Variants in TMEM8B observed in about 807,000 individuals in gnomAD.
The protein encoded by TMEM8B is nasopharyngeal carcinoma expressed 6.
A neutral mutation model predicts 49.3 loss-of-function variants in TMEM8B; 29 were observed. That is an observed-to-expected ratio of 0.59 (90% confidence interval 0.44 to 0.80). The LOEUF is 0.80. Among genes scored for constraint, TMEM8B ranks in the 30% least tolerant of loss-of-function variants. The pLI is 0.00. For synonymous variants in TMEM8B, 264 were observed against 272.8 expected (o/e 0.97, Z 0.32); for missense variants, 575 against 658.5 (o/e 0.87, Z 1.39).
rs1832684249 is a variant in TMEM8B at position 35,863,541 on chromosome 9, T to G, written c.*9701T>G. ...GATAGAAGCTGGTTCCCATGGTGGC[T>G]GGGTTGGGATGGGCTAAGTTATGTT... On this transcript the variant is annotated 3_prime_UTR_variant, in exon 13 of 13. Transcript: ENST00000643932. The G allele has an allele frequency of 6.6e-6, 1 of 152,236 alleles. No homozygotes were observed. Among genetic ancestry groups the G allele is most frequent in the African/African-American group, 2.4e-5 (1 of 41,458 alleles). 9.4% of individuals were successfully genotyped at this position (152,236 alleles called of 1,614,324 possible).
chr9:35,831,265 G>C (rs917376352), intron 1 of TMEM8B, among the ~76,000 whole-genome samples: 3 of 152,176 alleles, frequency 2.0e-5, no homozygotes, highest in African/African-American at 7.2e-5. Flanking sequence ...ATGTGAGCCA[G>C]TGTATCTTCT....
intron 10 of TMEM8B, among the ~76,000 whole-genome samples, chr9:35,850,248 C>T (rs1398432033): frequency 6.6e-6 from 1 of 151,932 alleles, no homozygotes; most frequent in Admixed American, 6.5e-5. Context: ...TGTAAAATTC[C>T]ACAGAAAAAA....
chr9:35,835,642 G>A (rs541990579), intron 3 of TMEM8B, among the ~76,000 whole-genome samples: 3 of 152,278 alleles, frequency 2.0e-5, no homozygotes, highest in South Asian at 2.1e-4. Flanking sequence ...CTTAGGCCAC[G>A]GCCCAGTATT....
intron 6 of TMEM8B, among the ~76,000 whole-genome samples, chr9:35,844,789 T>G (rs982568844): frequency 3.9e-5 from 6 of 152,234 alleles, no homozygotes; most frequent in African/African-American, 1.4e-4. Flanking sequence ...TTTCCCTCTC[T>G]GCATTCCCAT....
intron 3 of TMEM8B, among the ~76,000 whole-genome samples, chr9:35,836,722 T>C (rs1307238494): frequency 6.6e-6 from 1 of 152,180 alleles, no homozygotes; most frequent in Non-Finnish European, 1.5e-5. Context: ...AGGTCTGACA[T>C]GTGCATTTGC....
intron 3 of TMEM8B, among the ~76,000 whole-genome samples, chr9:35,837,547 G>C (rs1386551184): frequency 6.6e-6 from 1 of 152,118 alleles, no homozygotes; most frequent in Non-Finnish European, 1.5e-5. Flanking sequence ...GCAGAGGCCA[G>C]ATCACGAAGG....
At chr9:35,850,451 A>G (rs1832036265) in intron 10 of TMEM8B, among the ~76,000 whole-genome samples, 1 of 152,226 alleles carries the variant, frequency 6.6e-6, no homozygotes, top group African/African-American at 2.4e-5. Context: ...CAATCTAAAA[A>G]TTAGTCCACG....
chr9:35,854,155 G>A lies in TMEM8B; in HGVS notation c.*315G>A. The A allele has an allele frequency of 1.9e-6, 1 of 516,790 alleles. No individual in the cohort carries two copies. Among genetic ancestry groups the A allele is most frequent in the Non-Finnish European group, 2.8e-6 (1 of 360,808 alleles). The allele number at this position is 516,790 out of a possible 1,614,324, so 32.0% of individuals were successfully genotyped here. Reference sequence around the variant, plus strand: ...GGATGCAGAGCCTTCCCAAGACATGGATTCCTTCCCAGGGAGACAAAGCCC... The same window carrying A: ...GGATGCAGAGCCTTCCCAAGACATGAATTCCTTCCCAGGGAGACAAAGCCC... On this transcript the variant is annotated 3_prime_UTR_variant, in exon 13 of 13. Coordinates refer to ENST00000643932, the MANE Select transcript of TMEM8B (RefSeq NM_001042590.4).
chr9:35,842,410 T>C lies in TMEM8B; in HGVS notation c.1328T>C (p.Leu443Pro), dbSNP rs546582352. 6.5e-6 allele frequency: 10 copies of C among 1,534,856 alleles called. No homozygotes were observed. In the South Asian group the frequency reaches 1.3e-4, roughly 20 times the overall value. ...CCCACAGAGTGCCCACAGCCCGGCC[T>C]GCTCCGAGCCCTGGTCCCTGGAGCT... ...VRLQECPQPGLLRALVPGAAM... is the reference protein window; with the variant it reads ...VRLQECPQPGPLRALVPGAAM... Residue 443 changes from leucine (L) to proline (P), a missense_variant, in exon 6 of 13, where the codon CTG (leucine) becomes CCG (proline). By Grantham distance (98) the Leu-to-Pro change is moderately conservative. Coordinates refer to ENST00000643932, the MANE Select transcript of TMEM8B (RefSeq NM_001042590.4). This position sits in a 1 kb window ranked among gnomAD's most constrained non-coding sequence, Gnocchi z 5.6.
intron 2 of TMEM8B, 59 bp from the exon 3 acceptor site, chr9:35,834,947 TCTTTC>T: frequency 2.4e-6 from 1 of 415,548 alleles, no homozygotes; most frequent in South Asian, 1.3e-4. Context: ...TTTCTTTCTT[TCTTTC>T]ATTTCCTGCC....
intron 3 of TMEM8B, among the ~76,000 whole-genome samples, chr9:35,838,065 A>T (rs1018895336): frequency 6.6e-6 from 1 of 152,198 alleles, no homozygotes; most frequent in African/African-American, 2.4e-5. Context: ...ATTCTGTTGA[A>T]TCCACCGACT....
Position 35,860,666 on chromosome 9 carries a change from T to A in TMEM8B, c.*6826T>A, listed in dbSNP as rs1166099646. On this transcript the variant is annotated 3_prime_UTR_variant, in exon 13 of 13. Coordinates refer to ENST00000643932, the MANE Select transcript of TMEM8B (RefSeq NM_001042590.4). ...AGGAATCATGGACCATTCATTATTTTGTTTAAAAGGACACATAAGAACGTA... is the reference window on the plus strand; with the variant it reads ...AGGAATCATGGACCATTCATTATTTAGTTTAAAAGGACACATAAGAACGTA... The A allele has an allele frequency of 1.2e-4, 19 of 152,198 alleles. No homozygotes were observed. The highest frequency in any genetic ancestry group is 1.2e-3 in the Admixed American group (19 of 15,282). The allele number at this position is 152,198 out of a possible 1,614,324, so 9.4% of individuals were successfully genotyped here. A position where few individuals can be genotyped will look rare whatever the true frequency, so the allele number is the denominator to read the frequency against.
chr9:35,845,037 C>T (rs2132328164), intron 6 of TMEM8B, among the ~76,000 whole-genome samples: 1 of 152,256 alleles, frequency 6.6e-6, no homozygotes, highest in East Asian at 1.9e-4. Context: ...TTGCCCCGGG[C>T]TTGCATTGAA....
At chr9:35,835,337 G>C in intron 3 of TMEM8B, 119 bp downstream of exon 3, 1 of 402,016 alleles carries the variant, frequency 2.5e-6, no homozygotes, top group Non-Finnish European at 4.4e-6. Flanking sequence ...GCACAAGGGT[G>C]GCTGGGGCGG....
rs1832324172 is a variant in TMEM8B at position 35,853,312 on chromosome 9, C to T, written c.2439+55C>T. The T allele has an allele frequency of 8.0e-6, 12 of 1,491,192 alleles. No homozygotes were observed. Among genetic ancestry groups the T allele is most frequent in the Admixed American group, 5.1e-5 (3 of 58,962 alleles). The allele number at this position is 1,491,192 out of a possible 1,614,324, so 92.4% of individuals were successfully genotyped here. A position where few individuals can be genotyped will look rare whatever the true frequency, so the allele number is the denominator to read the frequency against. On this transcript the variant is annotated intron_variant, in intron 12 of 12. Transcript: ENST00000643932. The surrounding 1 kb of genome is among the most constrained non-coding windows in gnomAD (Gnocchi z 4.2). ...GTCCCAGCAGGACTTGGGTGCTGGG[C>T]CCCAGGTATCTGGTCCCCAGTTTAA...
Position 35,852,924 on chromosome 9 carries a change from T to TGTGG in TMEM8B, c.2276_2279dup (p.Thr761GlyfsTer32), listed in dbSNP as rs1355466262. On this transcript the variant is annotated frameshift_variant, in exon 11 of 13. Coordinates refer to ENST00000643932, the MANE Select transcript of TMEM8B (RefSeq NM_001042590.4). LOFTEE classifies it high-confidence loss of function. Reference sequence around the variant, plus strand: ...GATTTCCTGGGCTCCTTAATGTCCGTGTGGGTCACTGTCATTGCCATGGCT... The same window carrying TGTGG: ...GATTTCCTGGGCTCCTTAATGTCCGTGTGGGTGGGTCACTGTCATTGCCATGGCT... 1.2e-6 allele frequency: 2 copies of TGTGG among 1,614,224 alleles called. No individual in the cohort carries two copies. The highest frequency in any genetic ancestry group is 3.3e-5 in the Admixed American group (2 of 60,022).
rs1448803436 is a variant in TMEM8B, at chr9:35,853,512, G to A, written c.2447G>A (p.Arg816His). 8 of 1,611,932 alleles carry A rather than the reference G, an allele frequency of 5.0e-6. No homozygotes were observed. Among genetic ancestry groups the A allele is most frequent in the South Asian group, 4.4e-5 (4 of 90,970 alleles). The part of the protein sequence containing the change: ...LGILATAWTV[R>H]SVRRRHCYPP... ...CTTCTCTGTCTCCCCCAGACAGTAC[G>A]CAGCGTCCGCCGCCGGCACTGCTAC... Residue 816 changes from arginine to histidine, a missense_variant, in exon 13 of 13, where the codon CGC (arginine) becomes CAC (histidine). By Grantham distance (29) the Arg-to-His change is conservative (BLOSUM62 0). Transcript: ENST00000643932. The surrounding 1 kb of genome is among the most constrained non-coding windows in gnomAD (Gnocchi z 4.2).
chr9:35,845,716 C>T (rs1181829528), intron 6 of TMEM8B: 1 of 985,318 alleles, frequency 1.0e-6, no homozygotes, highest in Non-Finnish European at 1.2e-6. Flanking sequence ...AGAATTGAAA[C>T]ACTTCTGCCC....
chr9:35,835,493 G>A (rs751023961), intron 3 of TMEM8B: 75 of 328,026 alleles, frequency 2.3e-4, no homozygotes, highest in Non-Finnish European at 3.5e-4. Context: ...TGGCACAGGG[G>A]AGTAGTGCCG....
Sources: gnomAD v4.1 joint callset for allele counts (sites outside exome capture counted in the v4.1 genomes callset) on GRCh38, gnomAD v4.1.1 for gene constraint, Gnocchi (gnomAD v3.1) non-coding constraint, MANE v1.5 for transcripts, NCBI Gene and HGNC (gene_info 2026-07-23, HGNC 2026-07-21) for gene names.